TYW1B: variants seen among roughly 807,000 people sequenced by gnomAD.
The protein encoded by TYW1B is tRNA-yW synthesizing protein 1 homolog B, also known as S-adenosyl-L-methionine-dependent tRNA 4-demethylwyosine synthase TYW1B.
Under a neutral mutation model 86.9 loss-of-function variants are expected in TYW1B, and 73 were observed. The observed-to-expected ratio is 0.84, with a 90% confidence interval of 0.70 to 1.02. TYW1B has a LOEUF of 1.02. TYW1B is among the 50% of genes least tolerant of loss of function. The pLI is 0.00. For missense variants in TYW1B, 637 were observed against 827.4 expected, an observed-to-expected ratio of 0.77 and a Z score of 2.82; for synonymous variants, 248 against 292.8, an observed-to-expected ratio of 0.85 and a Z score of 1.56.
At chr7:72,639,245 A>AT (rs1554441193) in intron 11 of TYW1B, among the ~76,000 whole-genome samples, 3 of 147,352 alleles carry the variant, frequency 2.0e-5, no homozygotes, top group East Asian at 1.9e-4. Context: ...ATTTTTTTAA[A>AT]TTTTTTTTAA....
chr7:72,721,923 C>T (rs187283974), intron 9 of TYW1B, among the ~76,000 whole-genome samples: 1 of 152,152 alleles, frequency 6.6e-6, no homozygotes, highest in East Asian at 1.9e-4. Context: ...AATGTCATAG[C>T]GATAAACCAA....
At chr7:72,723,574 C>T (rs1293899225) in intron 9 of TYW1B, among the ~76,000 whole-genome samples, 1 of 152,100 alleles carries the variant, frequency 6.6e-6, no homozygotes, top group Non-Finnish European at 1.5e-5. Context: ...CGAGATCAGA[C>T]TGGGCAACGT....
At chr7:72,693,428 T>TTTTTTTTTTTTC (rs1554450785) in intron 11 of TYW1B, among the ~76,000 whole-genome samples, 1 of 150,414 alleles carries the variant, frequency 6.6e-6, no homozygotes, top group Non-Finnish European at 1.5e-5. Context: ...TTTTTTTTTT[T>TTTTTTTTTTTTC]AGATAGGGGT....
chr7:72,746,390 C>T (rs1787394451), intron 7 of TYW1B, among the ~76,000 whole-genome samples: 2 of 152,050 alleles, frequency 1.3e-5, no homozygotes, highest in African/African-American at 2.4e-5. Flanking sequence ...CACTGAAAAC[C>T]GAAATGTCCA....
chr7:72,824,158 G>C (rs540721385), intron 2 of TYW1B, among the ~76,000 whole-genome samples: 3 of 152,186 alleles, frequency 2.0e-5, no homozygotes, highest in Admixed American at 6.6e-5. Flanking sequence ...CTCAAGTAGT[G>C]AAAACCTAAG....
intron 11 of TYW1B, among the ~76,000 whole-genome samples, chr7:72,638,211 AT>A (rs1346227204): frequency 6.6e-6 from 1 of 151,416 alleles, no homozygotes; most frequent in Admixed American, 6.6e-5. Context: ...AACTACAGAC[AT>A]CTTGGTTATC....
Position 72,720,400 on chromosome 7 carries a change from C to A in TYW1B, c.1193-6602G>T, listed in dbSNP as rs181186730. 3.2e-3 allele frequency among the ~76,000 whole-genome samples: 486 copies of A among 152,222 alleles called. 5 individuals carry two copies. The highest frequency in any genetic ancestry group is 0.011 in the African/African-American group (451 of 41,522). On this transcript the variant is annotated intron_variant, in intron 9 of 13. Transcript: ENST00000620995. ...AAACCTAGAAGCAAAGACACCAAAG[C>A]CATCCTTTCCAGAAAGCTACAAATA... is the stretch of plus-strand genomic sequence containing the variant.
chr7:72,673,777 G>C (rs1585893447), intron 11 of TYW1B, among the ~76,000 whole-genome samples: 1 of 152,076 alleles, frequency 6.6e-6, no homozygotes, highest in East Asian at 1.9e-4. Context: ...GTAACACAAA[G>C]GATAAATGCT....
chr7:72,726,639 C>T (rs1242952634), intron 9 of TYW1B, among the ~76,000 whole-genome samples: 4 of 152,296 alleles, frequency 2.6e-5, no homozygotes, highest in African/African-American at 9.6e-5. Flanking sequence ...CCTGGGATTA[C>T]AAGCGTGAGG....
At chr7:72,818,676 G>A (rs1427352810) in intron 2 of TYW1B, among the ~76,000 whole-genome samples, 4 of 151,180 alleles carry the variant, frequency 2.6e-5, no homozygotes, top group South Asian at 2.1e-4. Context: ...TCTGCAGACT[G>A]TACAGGAAGT....
Position 72,771,712 on chromosome 7 carries a change from A to ATT in TYW1B, c.964+5702_964+5703dup, listed in dbSNP as rs60247630. On this transcript the variant is annotated intron_variant, in intron 7 of 13. Transcript: ENST00000620995. ...AAAAGTGACATTAAAATTTAGCAAA[A>ATT]TTTTTTTTTTTTGCTAAATTATTGC... 1.4e-3 allele frequency among the ~76,000 whole-genome samples: 208 copies of ATT among 149,130 alleles called. 11 individuals carry two copies. Among genetic ancestry groups the ATT allele is most frequent in the South Asian group, 6.3e-4 (3 of 4,726 alleles).
chr7:72,821,621 T>C (rs1788828773), intron 2 of TYW1B, among the ~76,000 whole-genome samples: 2 of 152,186 alleles, frequency 1.3e-5, no homozygotes, highest in African/African-American at 4.8e-5. Flanking sequence ...AGGTTGACAA[T>C]GGCATGGACC....
At chr7:72,712,039 CATGTGCCTAGTCCCAGT>C (rs1282976782) in intron 10 of TYW1B, among the ~76,000 whole-genome samples, 3 of 152,006 alleles carry the variant, frequency 2.0e-5, no homozygotes, top group Non-Finnish European at 2.9e-5. Context: ...GGTGTTACAG[CATGTGCCTAGTCCCAGT>C]ATGACACAAA....
At chr7:72,827,603 T>C (rs1457833101) in intron 1 of TYW1B, among the ~76,000 whole-genome samples, 1 of 152,194 alleles carries the variant, frequency 6.6e-6, no homozygotes, top group Non-Finnish European at 1.5e-5. Flanking sequence ...TTAATTGTTT[T>C]GTTGTGCTTG....
intron 13 of TYW1B, among the ~76,000 whole-genome samples, chr7:72,578,309 G>T (rs1237986172): frequency 2.0e-5 from 3 of 152,024 alleles, no homozygotes; most frequent in Non-Finnish European, 4.4e-5. Context: ...TAGAGACGGG[G>T]TTTCACCGTG....
At chr7:72,685,076 A>T (rs1813976239) in intron 11 of TYW1B, among the ~76,000 whole-genome samples, 1 of 151,658 alleles carries the variant, frequency 6.6e-6, no homozygotes, top group Admixed American at 6.6e-5. Flanking sequence ...CAGGCCACTG[A>T]ACTCCAGCCT....
At chr7:72,685,186 T>A (rs1470251401) in intron 11 of TYW1B, among the ~76,000 whole-genome samples, 1 of 151,816 alleles carries the variant, frequency 6.6e-6, no homozygotes, top group Non-Finnish European at 1.5e-5. Context: ...AAATATAGTG[T>A]TCTTTGAAAA....
intron 6 of TYW1B, among the ~76,000 whole-genome samples, chr7:72,796,223 G>A (rs1788301515): frequency 1.7e-5 from 1 of 60,482 alleles, no homozygotes; most frequent in East Asian, 3.0e-4. Context: ...CACGCCTCCT[G>A]TTTGAGCCGC....
intron 9 of TYW1B, among the ~76,000 whole-genome samples, chr7:72,718,357 T>C (rs1363682236): frequency 1.3e-5 from 2 of 152,184 alleles, no homozygotes; most frequent in African/African-American, 4.8e-5. Context: ...AAATTGCCTA[T>C]CAGGTACAAT....
Sources: gnomAD v4.1 joint callset for allele counts (sites outside exome capture counted in the v4.1 genomes callset) on GRCh38, gnomAD v4.1.1 for gene constraint, MANE v1.5 for transcripts, NCBI Gene and HGNC (gene_info 2026-07-23, HGNC 2026-07-21) for gene names.